Variants in MOK observed in about 807,000 individuals in gnomAD.
MOK encodes the protein MOK protein kinase, also known as MAPK/MAK/MRK overlapping kinase.
MOK carries 59 observed loss-of-function variants against 54.2 expected under a neutral mutation model. The ratio of observed to expected loss-of-function variants is 1.09; its 90% CI spans 0.88 to 1.35. The LOEUF (loss-of-function observed/expected upper bound fraction) is 1.35. Ranked by LOEUF, MOK falls within the 40% of genes most tolerant of loss-of-function variation. The pLI is 0.00. For missense variants in MOK, 517 were observed against 526.2 expected (o/e 0.98, Z 0.17); for synonymous variants, 210 against 202.7 (o/e 1.04, Z -0.31).
chr14:102,297,991 G>A (rs536965846), intron 1 of MOK, among the ~76,000 whole-genome samples: 78 of 152,306 alleles, frequency 5.1e-4, no homozygotes, highest in Middle Eastern at 6.8e-3. Context: ...GGGCTCCTGC[G>A]CAGCCCAAGC....
At chr14:102,286,090 A>G (rs985750879) in intron 1 of MOK, among the ~76,000 whole-genome samples, 5 of 140,076 alleles carry the variant, frequency 3.6e-5, no homozygotes, top group African/African-American at 5.3e-5. Flanking sequence ...ACGAGGTCAG[A>G]AGATCGAGAC....
At chr14:102,218,438 C>T in the MOK span, among the ~76,000 whole-genome samples, 9 of 152,356 alleles carry the variant, frequency 5.9e-5, no homozygotes, top group East Asian at 9.6e-4. Flanking sequence ...CTTTCTCTGA[C>T]GTGGCCTGTG....
In MOK at chr14:102,231,527, T is replaced by C. The variant is rs1391872417; in HGVS notation, c.981+180A>G. 1.7e-6 allele frequency: 1 copy of C among 578,558 alleles called. No individual in the cohort carries two copies. The highest frequency in any genetic ancestry group is 1.9e-5 in the African/African-American group (1 of 53,470). The allele number at this position is 578,558 out of a possible 1,614,324, so 35.8% of individuals were successfully genotyped here. On this transcript the variant is annotated intron_variant, in intron 10 of 11. Coordinates refer to ENST00000361847, the MANE Select transcript of MOK (RefSeq NM_014226.3). The surrounding 1 kb of genome is among the most constrained non-coding windows in gnomAD (Gnocchi z 4.4). ...CAGAAAGGGCTTGAGCAAATAGAAC[T>C]GGGGTCCCTGATGTCCCAACACATG... is the stretch of plus-strand genomic sequence containing the variant.
Position 102,230,122 on chromosome 14 carries a change from T to C in MOK, c.982-465A>G. On this transcript the variant is annotated intron_variant, in intron 10 of 11. Transcript: ENST00000361847. The surrounding 1 kb of genome is among the most constrained non-coding windows in gnomAD (Gnocchi z 4.1). ...GCAGTGGTGCAATCTTGGCTCACTGTAGCCTCAGCTTCCTAGGCTCAGGCG... is the reference window on the plus strand; with the variant it reads ...GCAGTGGTGCAATCTTGGCTCACTGCAGCCTCAGCTTCCTAGGCTCAGGCG... 1 of 158,890 alleles carries C rather than the reference T, an allele frequency of 6.3e-6. No individual in the cohort carries two copies. The highest frequency in any genetic ancestry group is 1.4e-5 in the Non-Finnish European group (1 of 71,988). The allele number at this position is 158,890 out of a possible 1,614,324, so 9.8% of individuals were successfully genotyped here.
chr14:102,288,266 A>G (rs2070367711), intron 1 of MOK, among the ~76,000 whole-genome samples: 1 of 152,236 alleles, frequency 6.6e-6, no homozygotes, highest in East Asian at 1.9e-4. Flanking sequence ...ATAATATCTG[A>G]AAGGTGGAAA....
rs999812686 is a variant in MOK at position 102,238,275 on chromosome 14, C to T, written c.591-4486G>A. ...AAAAAGCAGAATTCATAGCTCTCAC[C>T]AGAGCCCTAACCCTTTCCAAAGGCA... On this transcript the variant is annotated intron_variant, in intron 7 of 11. Transcript: ENST00000361847. This position sits in a 1 kb window ranked among gnomAD's most constrained non-coding sequence, Gnocchi z 4.8. 6.6e-6 allele frequency: 1 copy of T among 152,292 alleles called. No homozygotes were observed. The highest frequency in any genetic ancestry group is 2.4e-5 in the African/African-American group (1 of 41,446). The allele number at this position is 152,292 out of a possible 1,614,324, so 9.4% of individuals were successfully genotyped here.
At chr14:102,233,606 G>A in intron 8 of MOK, 82 bp downstream of exon 8, 1 of 1,234,392 alleles carries the variant, frequency 8.1e-7, no homozygotes, top group Non-Finnish European at 1.2e-6. Flanking sequence ...GGGGTTTGAG[G>A]GAGGCACAGG....
rs2064381361 is a variant in MOK at position 102,228,986 on chromosome 14, C to A, written c.*303G>T. 1 of 404,994 alleles carries A rather than the reference C, an allele frequency of 2.5e-6. No homozygotes were observed. Among genetic ancestry groups the A allele is most frequent in the Non-Finnish European group, 4.4e-6 (1 of 228,268 alleles). The allele number at this position is 404,994 out of a possible 1,614,324, so 25.1% of individuals were successfully genotyped here. On this transcript the variant is annotated 3_prime_UTR_variant, in exon 12 of 12. Coordinates refer to ENST00000361847, the MANE Select transcript of MOK (RefSeq NM_014226.3). The stretch of plus-strand genomic sequence containing the variant: ...CCACGCCCAACACATCACAGAAATG[C>A]CTGCTCGTTTGTTTTGATTCATATA...
At chr14:102,224,036 GA>G (rs1249037887), downstream of MOK, among the ~76,000 whole-genome samples, 64 of 139,512 alleles carry the variant, frequency 4.6e-4, no homozygotes, top group South Asian at 2.4e-3. Flanking sequence ...GTTTACCTGA[GA>G]TTTTTTTTTT....
chr14:102,236,418 G>A lies in MOK; in HGVS notation c.591-2629C>T, dbSNP rs543089624. Among the ~76,000 whole-genome samples, 70 of 152,250 alleles carry A rather than the reference G, an allele frequency of 4.6e-4. 2 individuals are homozygous for A. In the South Asian group the frequency reaches 0.013, roughly 28 times the overall value. Reference sequence around the variant, plus strand: ...GCTGATGGACTCATCTTGCGTCCACGCGCCACCAGACCCCTTACTTGCTCT... The same window carrying A: ...GCTGATGGACTCATCTTGCGTCCACACGCCACCAGACCCCTTACTTGCTCT... On this transcript the variant is annotated intron_variant, in intron 7 of 11. Coordinates refer to ENST00000361847, the MANE Select transcript of MOK (RefSeq NM_014226.3). The surrounding 1 kb of genome is among the most constrained non-coding windows in gnomAD (Gnocchi z 4.5).
At chr14:102,246,435 C>T (rs1402606280) in intron 7 of MOK, among the ~76,000 whole-genome samples, 3 of 152,112 alleles carry the variant, frequency 2.0e-5, no homozygotes, top group South Asian at 2.1e-4. Flanking sequence ...CCCAACCCTT[C>T]GTTCAGTCCA....
In MOK at chr14:102,231,611, C is replaced by T; in HGVS notation, c.981+96G>A. ...CTGACAATGTGGTCTGCCACAGCCT[C>T]CACAGGTGGCGTCCTCCTGAGAGAG... On this transcript the variant is annotated intron_variant, in intron 10 of 11. Transcript: ENST00000361847. The surrounding 1 kb of genome is among the most constrained non-coding windows in gnomAD (Gnocchi z 4.4). The T allele has an allele frequency of 9.5e-7, 1 of 1,048,784 alleles. No individual in the cohort carries two copies. Among genetic ancestry groups the T allele is most frequent in the East Asian group, 2.4e-5 (1 of 41,662 alleles). The allele number at this position is 1,048,784 out of a possible 1,614,324, so 65.0% of individuals were successfully genotyped here. A position where few individuals can be genotyped will look rare whatever the true frequency, so the allele number is the denominator to read the frequency against.
chr14:102,231,726 G>A lies in MOK; in HGVS notation c.962C>T (p.Ser321Phe), dbSNP rs747117393. Residue 321 changes from serine (S) to phenylalanine (F), a missense_variant, in exon 10 of 12, where the codon TCC (serine) becomes TTC (phenylalanine). Ser to Phe is a radical substitution (Grantham distance 155). Transcript: ENST00000361847. The surrounding 1 kb of genome is among the most constrained non-coding windows in gnomAD (Gnocchi z 4.4). ...TAGTACCTGCTTTCTGCCCTCCTTG[G>A]AAATCTGGCAGCTGTTACTGAGTGG... is the stretch of plus-strand genomic sequence containing the variant. ...PEPLSNSCQI[S>F]KEGRKQKQSL... 9 of 1,611,402 alleles carry A rather than the reference G, an allele frequency of 5.6e-6. No individual in the cohort carries two copies. Among genetic ancestry groups the A allele is most frequent in the Non-Finnish European group, 7.6e-6 (9 of 1,179,028 alleles).
At chr14:102,250,354 G>T (rs1037288198) in intron 7 of MOK, among the ~76,000 whole-genome samples, 5 of 150,990 alleles carry the variant, frequency 3.3e-5, no homozygotes, top group Non-Finnish European at 5.9e-5. Flanking sequence ...CCAAAGGCTG[G>T]GGGGGAGTGG....
chr14:102,251,097 A>C (rs1365884398), intron 6 of MOK, 107 bp from the exon 7 acceptor site: 6 of 1,217,576 alleles, frequency 4.9e-6, no homozygotes, highest in Non-Finnish European at 6.9e-6. Context: ...TAGCATCTAA[A>C]GTAGTCTGTA....
chr14:102,223,357 AAGAC>A (rs1362676715), downstream of MOK: 1 of 152,694 alleles, frequency 6.5e-6, no homozygotes, highest in Non-Finnish European at 1.5e-5. Context: ...GTAATTCAGG[AAGAC>A]AGACGCTGCA....
chr14:102,225,902 C>T (rs142926984), downstream of MOK: 519 of 194,598 alleles, frequency 2.7e-3, 2 homozygotes, highest in Middle Eastern at 4.3e-3. Context: ...TTTGGGTTTG[C>T]TCTTCTCACT....
downstream of MOK, chr14:102,222,925 C>G: frequency 1.2e-6 from 2 of 1,612,428 alleles, no homozygotes; most frequent in Non-Finnish European, 1.7e-6. The surrounding 1 kb of genome is among the most constrained non-coding windows in gnomAD (Gnocchi z 4.4). Context: ...GACTTGGACT[C>G]GAGGGAGTGA....
chr14:102,257,162 C>T (rs531019042), intron 4 of MOK, among the ~76,000 whole-genome samples: 9 of 151,512 alleles, frequency 5.9e-5, no homozygotes, highest in African/African-American at 2.2e-4. Flanking sequence ...GCTGAGTGTT[C>T]CAGATGTGAC....
Sources: gnomAD v4.1 joint callset for allele counts (sites outside exome capture counted in the v4.1 genomes callset) on GRCh38, gnomAD v4.1.1 for gene constraint, Gnocchi (gnomAD v3.1) non-coding constraint, MANE v1.5 for transcripts, NCBI Gene and HGNC (gene_info 2026-07-23, HGNC 2026-07-21) for gene names.